The following ATP8A2 variants were observed in gnomAD, a reference collection of about 807,000 sequenced individuals.
ATP8A2 encodes the protein ATPase phospholipid transporting 8A2.
A neutral mutation model predicts 165.6 loss-of-function variants in ATP8A2; 100 were observed. That is an observed-to-expected ratio of 0.60 (90% CI 0.51 to 0.71). ATP8A2 has a LOEUF of 0.71. Among genes scored for constraint, ATP8A2 ranks in the 30% least tolerant of loss-of-function variants. ATP8A2 has a pLI of 0.00. For synonymous variants in ATP8A2, 543 were observed against 548.8 expected (o/e 0.99, Z 0.15); for missense variants, 1,227 against 1,479.5 (o/e 0.83, Z 2.80).
At chr13:25,565,533 A>G (rs866735140) in intron 16 of ATP8A2, among the ~76,000 whole-genome samples, 67 of 152,286 alleles carry the variant, frequency 4.4e-4, no homozygotes, top group African/African-American at 1.4e-3. Context: ...TCTTCTTTTA[A>G]GAATTGTCTA....
chr13:25,675,235 A>C (rs902024539), intron 24 of ATP8A2, among the ~76,000 whole-genome samples: 1 of 152,196 alleles, frequency 6.6e-6, no homozygotes, highest in South Asian at 2.1e-4. Flanking sequence ...TTGGATTTGC[A>C]TTGCATGACC....
intron 33 of ATP8A2, among the ~76,000 whole-genome samples, chr13:25,882,935 A>ATGGTGATGG (rs1555284470): frequency 7.5e-5 from 11 of 145,746 alleles, no homozygotes; most frequent in African/African-American, 2.4e-4. Context: ...GATGATGATG[A>ATGGTGATGG]TGATGGTGAT....
chr13:25,662,476 AT>A (rs952298017), intron 24 of ATP8A2, among the ~76,000 whole-genome samples: 3 of 151,868 alleles, frequency 2.0e-5, no homozygotes, highest in African/African-American at 7.3e-5. Context: ...CCTAGCGAAT[AT>A]TTTTTTTCTT....
chr13:25,837,947 A>G (rs1390836056), intron 29 of ATP8A2, among the ~76,000 whole-genome samples: 1 of 152,202 alleles, frequency 6.6e-6, no homozygotes, highest in Non-Finnish European at 1.5e-5. Flanking sequence ...TGCCACACAG[A>G]TGTCATTTGC....
At chr13:25,832,519 A>G (rs965470723) in intron 28 of ATP8A2, among the ~76,000 whole-genome samples, 1 of 152,250 alleles carries the variant, frequency 6.6e-6, no homozygotes, top group African/African-American at 2.4e-5. Context: ...GTGACAAAGT[A>G]AGATTTATTT....
rs192339898 is a variant in ATP8A2, at chr13:25,731,511, A to C, written c.2384+32166A>C. On this transcript the variant is annotated intron_variant, in intron 25 of 36. Transcript: ENST00000381655. The stretch of plus-strand genomic sequence containing the variant: ...TATTTTTTCAATTCTCTTCCCAAAC[A>C]CTTTTGGCCAAAGAATGCTTTTTAT... Among the ~76,000 whole-genome samples, 3 of 147,932 alleles carry C rather than the reference A, an allele frequency of 2.0e-5. No homozygotes were observed. The Admixed American group carries it at 2.1e-4, about 10-fold the overall frequency.
At chr13:25,967,392 C>T (rs544353539) in intron 34 of ATP8A2, among the ~76,000 whole-genome samples, 2 of 152,214 alleles carry the variant, frequency 1.3e-5, no homozygotes, top group African/African-American at 4.8e-5. Flanking sequence ...TAGATTAACT[C>T]GGAGTGTCGG....
intron 20 of ATP8A2, 51 bp from the exon 21 acceptor site, chr13:25,578,764 T>C: frequency 9.6e-7 from 1 of 1,041,396 alleles, no homozygotes; most frequent in South Asian, 1.3e-5. Flanking sequence ...GTATGCTGGC[T>C]GGAAGGTTTA....
chr13:25,838,390 A>G (rs1234875178), intron 29 of ATP8A2, among the ~76,000 whole-genome samples: 2 of 152,186 alleles, frequency 1.3e-5, no homozygotes, highest in East Asian at 1.9e-4. Flanking sequence ...CGAGGGACTC[A>G]TTTTACCAAT....
At chr13:25,377,636 C>A (rs1211791131) in intron 1 of ATP8A2, among the ~76,000 whole-genome samples, 1 of 151,974 alleles carries the variant, frequency 6.6e-6, no homozygotes, top group Non-Finnish European at 1.5e-5. Context: ...CCTAAAAGTA[C>A]AAAAATTAGC....
intron 27 of ATP8A2, among the ~76,000 whole-genome samples, chr13:25,808,521 C>T (rs1214749562): frequency 6.6e-6 from 1 of 151,304 alleles, no homozygotes; most frequent in Non-Finnish European, 1.5e-5. Flanking sequence ...ATCACTTGAA[C>T]TGGGGAGGCA....
intron 2 of ATP8A2, among the ~76,000 whole-genome samples, chr13:25,506,511 T>A (rs2037041440): frequency 6.6e-6 from 1 of 152,224 alleles, no homozygotes; most frequent in Non-Finnish European, 1.5e-5. Context: ...CCACCAGTTT[T>A]GTTCCAGATG....
chr13:25,396,927 A>C (rs2033446045), intron 1 of ATP8A2, among the ~76,000 whole-genome samples: 1 of 152,226 alleles, frequency 6.6e-6, no homozygotes, highest in Non-Finnish European at 1.5e-5. Context: ...ACAGATAGGC[A>C]GCAAGAGATG....
intron 33 of ATP8A2, among the ~76,000 whole-genome samples, chr13:25,919,859 C>T (rs1039412599): frequency 2.0e-5 from 3 of 152,150 alleles, no homozygotes; most frequent in African/African-American, 7.2e-5. Flanking sequence ...TCGATCATAG[C>T]TCCCATAACC....
intron 24 of ATP8A2, among the ~76,000 whole-genome samples, chr13:25,635,726 C>G (rs2041352302): frequency 6.6e-6 from 1 of 152,126 alleles, no homozygotes; most frequent in Non-Finnish European, 1.5e-5. Flanking sequence ...TTCCTCTGTG[C>G]AAAAATTTTA....
At chr13:25,844,797 C>T (rs1230814346) in intron 30 of ATP8A2, among the ~76,000 whole-genome samples, 1 of 152,092 alleles carries the variant, frequency 6.6e-6, no homozygotes, top group Non-Finnish European at 1.5e-5. Context: ...CCACTTGATA[C>T]CTTATGGATG....
intron 1 of ATP8A2, among the ~76,000 whole-genome samples, chr13:25,387,114 G>T (rs757898861): frequency 6.6e-6 from 1 of 152,110 alleles, no homozygotes; most frequent in Non-Finnish European, 1.5e-5. Context: ...GGCTCATTCC[G>T]TGCTTGGGAC....
intron 11 of ATP8A2, among the ~76,000 whole-genome samples, chr13:25,552,578 T>C (rs1049314214): frequency 1.3e-5 from 2 of 152,246 alleles, no homozygotes; most frequent in Non-Finnish European, 2.9e-5. Flanking sequence ...TTAATTACTG[T>C]CTGGTATTTC....
rs138879583 is a variant in ATP8A2, at chr13:26,010,309, C to T, written c.3378-2222C>T. Among the ~76,000 whole-genome samples, 4 of 152,190 alleles carry T rather than the reference C, an allele frequency of 2.6e-5. No individual in the cohort carries two copies. The South Asian group carries it at 8.3e-4, about 31-fold the overall frequency. On this transcript the variant is annotated intron_variant, in intron 35 of 36. Transcript: ENST00000381655. The stretch of plus-strand genomic sequence containing the variant: ...TCTGTGACATTCTCATAAGCCCCAT[C>T]ATGAGGAGGAGCTTCTGGGATGGCC...
Sources: gnomAD v4.1 joint callset for allele counts (sites outside exome capture counted in the v4.1 genomes callset) on GRCh38, gnomAD v4.1.1 for gene constraint, MANE v1.5 for transcripts, NCBI Gene and HGNC (gene_info 2026-07-23, HGNC 2026-07-21) for gene names.